Variants in EPG5 observed in about 807,000 individuals in gnomAD.
EPG5 encodes the protein ectopic P granules protein 5 homolog.
A neutral mutation model predicts 302.7 loss-of-function variants in EPG5; 159 were observed. The observed-to-expected ratio is 0.53, with a 90% CI of 0.46 to 0.60. The LOEUF is 0.60. EPG5 is among the 20% of genes least tolerant of loss of function. The pLI is 0.00. For synonymous variants in EPG5, 1,158 were observed against 1,136.8 expected (o/e 1.02, Z -0.37); for missense variants, 2,896 against 3,092.4 (o/e 0.94, Z 1.51).
In EPG5 at chr18:45,852,282, C is replaced by A; in HGVS notation, c.*185G>T. On this transcript the variant is annotated 3_prime_UTR_variant, in exon 44 of 44. Transcript: ENST00000282041. ...CAGAAGGTCTTAAGAGCTAAGAAAACACACACACACACACACACACACCCC... is the reference window on the plus strand; with the variant it reads ...CAGAAGGTCTTAAGAGCTAAGAAAAAACACACACACACACACACACACCCC... The A allele has an allele frequency of 3.0e-5, 6 of 199,118 alleles. No individual in the cohort carries two copies. The highest frequency in any genetic ancestry group is 4.2e-5 in the Non-Finnish European group (4 of 96,166). The allele number at this position is 199,118 out of a possible 1,614,324, so 12.3% of individuals were successfully genotyped here.
chr18:45,820,603 G>A, the EPG5 span, among the ~76,000 whole-genome samples: 1 of 140,068 alleles, frequency 7.1e-6, no homozygotes, highest in African/African-American at 2.6e-5. Flanking sequence ...ATGACCACCT[G>A]CTGCTGCTGA....
intron 43 of EPG5, 69 bp downstream of exon 43, chr18:45,855,504 G>T: frequency 1.8e-6 from 2 of 1,117,618 alleles, no homozygotes; most frequent in Non-Finnish European, 1.4e-6. Context: ...ACAGGCTACG[G>T]CTGCCACCTC....
At chr18:45,831,406 C>T in the EPG5 span, among the ~76,000 whole-genome samples, 1 of 152,224 alleles carries the variant, frequency 6.6e-6, no homozygotes, top group Non-Finnish European at 1.5e-5. Context: ...ACAGAAACCA[C>T]ATTCTAGCTT....
the EPG5 span, among the ~76,000 whole-genome samples, chr18:45,821,989 T>C: frequency 1.3e-5 from 2 of 152,186 alleles, no homozygotes; most frequent in African/African-American, 4.8e-5. Context: ...GAGAACAATA[T>C]GGAGGTTCCT....
chr18:45,911,538 C>T (rs879748767), intron 22 of EPG5, among the ~76,000 whole-genome samples: 3 of 152,014 alleles, frequency 2.0e-5, no homozygotes, highest in Non-Finnish European at 4.4e-5. Flanking sequence ...ATGATCCACC[C>T]GCCTCGGCCT....
At chr18:45,824,704 G>A in the EPG5 span, among the ~76,000 whole-genome samples, 1 of 152,194 alleles carries the variant, frequency 6.6e-6, no homozygotes, top group African/African-American at 2.4e-5. Context: ...GTGTGGTGAA[G>A]AGGAGGTGGT....
At position 45,928,928 on chromosome 18, in the gene EPG5, G is replaced by A. The variant is rs779658335; in HGVS notation, c.2494C>T (p.Pro832Ser). Residue 832 changes from proline (P) to serine (S), a missense_variant, in exon 13 of 44, where the codon CCT becomes TCT. By Grantham distance (74) the Pro-to-Ser change is moderately conservative (BLOSUM62 -1). Transcript: ENST00000282041. ...ELLGTITAVH[P>S]EIISVLLDRV... The stretch of plus-strand genomic sequence containing the variant: ...TCCAGAAGGACGGAAATTATCTCAG[G>A]GTGAACAGCTGTGATAGTCCCTAAA... The A allele has an allele frequency of 4.3e-6, 7 of 1,613,602 alleles. No homozygotes were observed. Among genetic ancestry groups the A allele is most frequent in the Non-Finnish European group, 5.9e-6 (7 of 1,179,600 alleles).
At chr18:45,966,044 G>A (rs1485402107) in intron 1 of EPG5, among the ~76,000 whole-genome samples, 1 of 150,790 alleles carries the variant, frequency 6.6e-6, no homozygotes, top group African/African-American at 2.4e-5. Flanking sequence ...CTGGACGACA[G>A]AGCGAGACTC....
rs537965899 is a variant in EPG5 at position 45,879,510 on chromosome 18, G to A, written c.5668-296C>T. ...AGCCTCCTGAGTAGCTGGGACTACA[G>A]GCGTGCACCACCATGCCCAGCTCAT... On this transcript the variant is annotated intron_variant, in intron 32 of 43. Coordinates refer to ENST00000282041, the MANE Select transcript of EPG5 (RefSeq NM_020964.3). 2.6e-5 allele frequency among the ~76,000 whole-genome samples: 4 copies of A among 152,282 alleles called. No homozygotes were observed. The South Asian group carries it at 8.3e-4, about 32-fold the overall frequency.
chr18:45,860,296 C>A lies in EPG5; in HGVS notation c.6817G>T (p.Val2273Phe), dbSNP rs368888695. The stretch of plus-strand genomic sequence containing the variant: ...GTCGCGTTGTTCATCATCATCAGGA[C>A]TTCCATAAAGAGGCTGCTGAGGGCC... ...HMALSSLFME[V>F]LMMMNNATIP... Residue 2273 changes from valine to phenylalanine, a missense_variant, in exon 40 of 44, where the codon GTC (valine) becomes TTC (phenylalanine). This residue lies in a region of EPG5 where 620 missense variants were observed against 704.2 expected (regional missense o/e 0.88). Coordinates refer to ENST00000282041, the MANE Select transcript of EPG5 (RefSeq NM_020964.3). 1.2e-6 allele frequency: 2 copies of A among 1,614,114 alleles called. No individual in the cohort carries two copies. Among genetic ancestry groups the A allele is most frequent in the African/African-American group, 2.7e-5 (2 of 74,946 alleles).
chr18:45,895,471 G>A (rs2049449947), intron 27 of EPG5, among the ~76,000 whole-genome samples: 3 of 152,086 alleles, frequency 2.0e-5, no homozygotes, highest in Admixed American at 2.0e-4. Context: ...ACACTTTCAG[G>A]AACTTCACCA....
the EPG5 span, among the ~76,000 whole-genome samples, chr18:45,828,263 G>T: frequency 6.6e-6 from 1 of 152,166 alleles, no homozygotes; most frequent in Non-Finnish European, 1.5e-5. Context: ...AGAAAAGTGG[G>T]AAGCATTTGT....
chr18:45,820,013 T>C, the EPG5 span, among the ~76,000 whole-genome samples: 1 of 152,222 alleles, frequency 6.6e-6, no homozygotes, highest in Non-Finnish European at 1.5e-5. Flanking sequence ...AAAGTCATCC[T>C]GTTGTTAGTG....
At chr18:45,956,281 A>G (rs1050217484) in intron 1 of EPG5, among the ~76,000 whole-genome samples, 1 of 152,204 alleles carries the variant, frequency 6.6e-6, no homozygotes, top group Non-Finnish European at 1.5e-5. Context: ...GAATGTGGTC[A>G]TGAAAGACAA....
chr18:45,956,641 T>A (rs2051039517), intron 1 of EPG5, among the ~76,000 whole-genome samples: 1 of 152,030 alleles, frequency 6.6e-6, no homozygotes, highest in Non-Finnish European at 1.5e-5. Context: ...AGACGGGGTT[T>A]CACCGTGTTA....
At chr18:45,846,793 G>A (rs1314971464), downstream of EPG5, among the ~76,000 whole-genome samples, 1 of 152,214 alleles carries the variant, frequency 6.6e-6, no homozygotes, top group Non-Finnish European at 1.5e-5. Flanking sequence ...GCAGCCCCGA[G>A]GGCTGCTGGT....
intron 43 of EPG5, chr18:45,855,369 T>C (rs1161015832): frequency 1.8e-5 from 9 of 504,656 alleles, no homozygotes; most frequent in Admixed American, 1.7e-4. Context: ...ACAATGACAG[T>C]AGCAGCGATC....
In EPG5 at chr18:45,857,403, G is replaced by A. The variant is rs531562553; in HGVS notation, c.7442+450C>T. 2.4e-3 allele frequency among the ~76,000 whole-genome samples: 364 copies of A among 152,234 alleles called. 1 individual carries two copies. The highest frequency in any genetic ancestry group is 8.4e-3 in the African/African-American group (348 of 41,544). Reference sequence around the variant, plus strand: ...TGGGATTACAAGTGTGAGCCACCGCGCCTGGCCACCAACAGATCTTAACCC... The same window carrying A: ...TGGGATTACAAGTGTGAGCCACCGCACCTGGCCACCAACAGATCTTAACCC... On this transcript the variant is annotated intron_variant, in intron 42 of 43. Transcript: ENST00000282041.
chr18:45,871,460 A>G (rs924458920), intron 35 of EPG5, among the ~76,000 whole-genome samples: 1 of 152,222 alleles, frequency 6.6e-6, no homozygotes, highest in African/African-American at 2.4e-5. Context: ...ATCGATAGGG[A>G]GAAGGGATAA....
Sources: allele counts gnomAD v4.1 joint callset (sites outside exome capture counted in the v4.1 genomes callset), GRCh38; gene constraint gnomAD v4.1.1; regional missense constraint gnomAD v4.1.1; transcripts MANE v1.5; gene names NCBI Gene and HGNC (gene_info 2026-07-23, HGNC 2026-07-21).